CDC25C: variants seen among roughly 807,000 people sequenced by gnomAD.
CDC25C encodes M-phase inducer phosphatase 3.
In CDC25C, 48 loss-of-function variants were observed where a neutral mutation model predicts 52.5. The ratio of observed to expected loss-of-function variants is 0.91; its 90% CI spans 0.72 to 1.16. The LOEUF (loss-of-function observed/expected upper bound fraction) is 1.16. CDC25C is among the 50% of genes most tolerant of loss of function. The pLI, the probability that CDC25C is intolerant of heterozygous loss-of-function variation, is 0.00. For missense variants in CDC25C, 510 were observed against 566.1 expected (o/e 0.90, Z 1.01); for synonymous variants, 187 against 206.5 (o/e 0.91, Z 0.81).
chr5:138,313,630 A>G (rs188858293), intron 7 of CDC25C, among the ~76,000 whole-genome samples: 76 of 152,208 alleles, frequency 5.0e-4, no homozygotes, highest in African/African-American at 1.7e-3. Flanking sequence ...TATTATTCCT[A>G]TATGTGTCTA....
Position 138,305,871 on chromosome 5 carries a change from C to T in CDC25C, c.615+13348G>A, listed in dbSNP as rs138634758. On this transcript the variant is annotated intron_variant, in intron 7 of 13. Coordinates refer to ENST00000323760, the MANE Select transcript of CDC25C (RefSeq NM_001790.5). ...CCTTGTGACCAACTAGATATTCCTG[C>T]CTGGGATTTTCAACCTTAAAGAAGC... 6.6e-5 allele frequency among the ~76,000 whole-genome samples: 10 copies of T among 152,260 alleles called. No homozygotes were observed. In the East Asian group the frequency reaches 1.5e-3, roughly 23 times the overall value.
At chr5:138,310,261 C>T (rs905806723) in intron 7 of CDC25C, among the ~76,000 whole-genome samples, 1 of 152,186 alleles carries the variant, frequency 6.6e-6, no homozygotes, top group Non-Finnish European at 1.5e-5. Context: ...CAGGCCAGAA[C>T]ATTCTTGTAG....
chr5:138,288,975 A>G (rs1257131874), intron 10 of CDC25C, among the ~76,000 whole-genome samples: 2 of 151,766 alleles, frequency 1.3e-5, no homozygotes, highest in African/African-American at 4.8e-5. Context: ...TTAAGTAATT[A>G]TTATTTTTTG....
rs191227165 is a variant in CDC25C, at chr5:138,320,097, G to C, written c.460-723C>G. On this transcript the variant is annotated intron_variant, in intron 6 of 13. Coordinates refer to ENST00000323760, the MANE Select transcript of CDC25C (RefSeq NM_001790.5). ...CGAGGCCAGCAGATCACGAGGTCAGGAGTTCGAGAGCAGCCTGGCCAACAT... is the reference window on the plus strand; with the variant it reads ...CGAGGCCAGCAGATCACGAGGTCAGCAGTTCGAGAGCAGCCTGGCCAACAT... Among the ~76,000 whole-genome samples the C allele has an allele frequency of 2.0e-3, 310 of 152,284 alleles. 1 individual carries two copies. Among genetic ancestry groups the C allele is most frequent in the African/African-American group, 7.4e-3 (309 of 41,580 alleles).
chr5:138,338,265 C>G lies in CDC25C; in HGVS notation c.-297G>C, dbSNP rs79586488. The G allele has an allele frequency of 9.7e-3, 9,855 of 1,012,078 alleles. 73 individuals are homozygous for G. Among genetic ancestry groups the G allele is most frequent in the Non-Finnish European group, 0.011 (7,990 of 735,740 alleles). The allele number at this position is 1,012,078 out of a possible 1,614,324, so 62.7% of individuals were successfully genotyped here. A position where few individuals can be genotyped will look rare whatever the true frequency, so the allele number is the denominator to read the frequency against. ...GGCACCGTGGGGCGAACCGAGCGCT[C>G]AGAGCTGCTCCGGCCGCGGCCCTGG... On this transcript the variant is annotated 5_prime_UTR_variant, in exon 1 of 6. Transcript: ENST00000510119.
At position 138,325,945 on chromosome 5, in the gene CDC25C, G is replaced by A. The variant is rs372753487; in HGVS notation, c.370-41C>T. On this transcript the variant is annotated intron_variant, in intron 5 of 13. Transcript: ENST00000323760. ...TGCTGAGAACGTCCAGCATCCTCAAGCCACAGGTGCAATGGAAACCCTCTG... is the reference window on the plus strand; with the variant it reads ...TGCTGAGAACGTCCAGCATCCTCAAACCACAGGTGCAATGGAAACCCTCTG... 5.6e-6 allele frequency: 9 copies of A among 1,610,182 alleles called. No individual in the cohort carries two copies. The African/African-American group carries it at 1.1e-4, about 19-fold the overall frequency.
intron 7 of CDC25C, among the ~76,000 whole-genome samples, chr5:138,309,715 ATTTTTTT>A (rs56020082): frequency 1.5e-5 from 2 of 132,856 alleles, no homozygotes; most frequent in South Asian, 4.8e-4. Flanking sequence ...GGCTCTCAAA[ATTTTTTT>A]TTTTTTTTTT....
At chr5:138,322,081 A>C (rs1759453654) in intron 6 of CDC25C, among the ~76,000 whole-genome samples, 2 of 151,712 alleles carry the variant, frequency 1.3e-5, no homozygotes, top group African/African-American at 4.9e-5. Context: ...GGCTCACTGC[A>C]AGCTCCGCCT....
chr5:138,313,623 T>C (rs1561700707), intron 7 of CDC25C, among the ~76,000 whole-genome samples: 1 of 152,140 alleles, frequency 6.6e-6, no homozygotes, highest in Admixed American at 6.6e-5. Flanking sequence ...TGGCTAATAT[T>C]ATTCCTATAT....
Position 138,326,534 on chromosome 5 carries a change from G to A in CDC25C, c.336-480C>T, listed in dbSNP as rs1331156949. Among the ~76,000 whole-genome samples the A allele has an allele frequency of 2.0e-5, 3 of 151,928 alleles. 1 individual carries two copies. Among genetic ancestry groups the A allele is most frequent in the Non-Finnish European group, 4.4e-5 (3 of 67,978 alleles). ...TTTTTTGTATTTTTAGTAGAGATGG[G>A]GTTTCACCGTGTTAGCCAGGACGGT... On this transcript the variant is annotated intron_variant, in intron 4 of 13. Transcript: ENST00000323760.
chr5:138,322,466 A>ATTTTTTTTTT lies in CDC25C; in HGVS notation c.460-3102_460-3093dup, dbSNP rs71585117. On this transcript the variant is annotated intron_variant, in intron 6 of 13. Transcript: ENST00000323760. ...AGATGCCTGCCACCACGCCCGGCTA[A>ATTTTTTTTTT]TTTTTTTTTTTTTTTTTTTTTTTTT... Among the ~76,000 whole-genome samples, 16 of 67,954 alleles carry ATTTTTTTTTT rather than the reference A, an allele frequency of 2.4e-4. 3 individuals are homozygous for ATTTTTTTTTT. The South Asian group carries it at 2.8e-3, about 12-fold the overall frequency. 44.6% of individuals were successfully genotyped at this position (67,954 alleles called of 152,430 possible).
chr5:138,328,606 A>C, intron 3 of CDC25C, 77 bp from the exon 4 acceptor site: 1 of 1,189,214 alleles, frequency 8.4e-7, no homozygotes, highest in Non-Finnish European at 1.3e-6. Context: ...GATTTTCTTC[A>C]TTACCAGTAA....
intron 7 of CDC25C, among the ~76,000 whole-genome samples, chr5:138,313,998 T>TCTTTCTTTC (rs1554117940): frequency 1.7e-3 from 208 of 121,908 alleles, no homozygotes; most frequent in African/African-American, 5.6e-3. Context: ...TTTCTTTCTT[T>TCTTTCTTTC]TTTTTTTTTT....
At chr5:138,289,804 T>C (rs1324482570) in intron 9 of CDC25C, among the ~76,000 whole-genome samples, 1 of 151,658 alleles carries the variant, frequency 6.6e-6, no homozygotes, top group African/African-American at 2.4e-5. Flanking sequence ...CTTGGTATCA[T>C]TCATAAGAAA....
At chr5:138,336,822 C>T (rs1175527070), upstream of CDC25C, 1 of 152,182 alleles carries the variant, frequency 6.6e-6, no homozygotes, top group South Asian at 2.1e-4. Context: ...ATCTTTCCAC[C>T]CCTATTTTCT....
At chr5:138,322,442 GAT>G in intron 6 of CDC25C, among the ~76,000 whole-genome samples, 2 of 147,050 alleles carry the variant, frequency 1.4e-5, no homozygotes, top group African/African-American at 5.0e-5. Flanking sequence ...TGGGATTACA[GAT>G]GCCTGCCACC....
intron 7 of CDC25C, among the ~76,000 whole-genome samples, chr5:138,301,680 T>C (rs868280466): frequency 7.1e-6 from 1 of 140,012 alleles, no homozygotes; most frequent in Non-Finnish European, 1.5e-5. Context: ...CTCATGAACA[T>C]AGAGGTACAC....
chr5:138,317,117 T>C (rs1481403943), intron 7 of CDC25C, among the ~76,000 whole-genome samples: 1 of 152,156 alleles, frequency 6.6e-6, no homozygotes, highest in Non-Finnish European at 1.5e-5. Flanking sequence ...TAGCTGGGCA[T>C]GGTGGTATGC....
intron 7 of CDC25C, among the ~76,000 whole-genome samples, chr5:138,300,651 A>G (rs1223451606): frequency 6.6e-6 from 1 of 152,186 alleles, no homozygotes; most frequent in African/African-American, 2.4e-5. Flanking sequence ...CCTACTTGAC[A>G]TACATAGAAT....
Sources: allele counts gnomAD v4.1 joint callset (sites outside exome capture counted in the v4.1 genomes callset), GRCh38; gene constraint gnomAD v4.1.1; transcripts MANE v1.5; gene names NCBI Gene and HGNC (gene_info 2026-07-23, HGNC 2026-07-21).